Variants in ADGRB3 observed in about 807,000 individuals in gnomAD.
ADGRB3 encodes the protein brain-specific angiogenesis inhibitor 3.
A neutral mutation model predicts 193.4 loss-of-function variants in ADGRB3; 37 were observed. The observed-to-expected ratio is 0.19, with a 90% confidence interval of 0.15 to 0.25. ADGRB3 has a LOEUF of 0.25. Ranked by LOEUF, ADGRB3 falls within the 10% of genes least tolerant of loss-of-function variation. The pLI is 1.00. For synonymous variants in ADGRB3, 690 were observed against 644.2 expected (o/e 1.07, Z -1.08); for missense variants, 1,637 against 1,852.9 (o/e 0.88, Z 2.14).
At chr6:69,095,336 C>A (rs909730380) in intron 17 of ADGRB3, among the ~76,000 whole-genome samples, 2 of 126,300 alleles carry the variant, frequency 1.6e-5, no homozygotes, top group South Asian at 2.6e-4. Flanking sequence ...AGTTCTGAAC[C>A]AGATTTTGTA....
intron 3 of ADGRB3, among the ~76,000 whole-genome samples, chr6:68,644,344 A>T (rs939327497): frequency 6.6e-6 from 1 of 152,140 alleles, no homozygotes; most frequent in African/African-American, 2.4e-5. Context: ...ATTCTTAATT[A>T]TTTATATGTT....
At chr6:68,752,079 T>C (rs1447466021) in intron 3 of ADGRB3, among the ~76,000 whole-genome samples, 1 of 152,158 alleles carries the variant, frequency 6.6e-6, no homozygotes, top group Non-Finnish European at 1.5e-5. Flanking sequence ...TTTGGAAACC[T>C]ATGATTTAAT....
At chr6:68,912,323 A>G (rs962760082) in intron 3 of ADGRB3, among the ~76,000 whole-genome samples, 4 of 151,696 alleles carry the variant, frequency 2.6e-5, no homozygotes, top group African/African-American at 9.7e-5. Context: ...CTTCATTAAT[A>G]ATGTATATTC....
chr6:69,083,491 A>T (rs982775403), intron 17 of ADGRB3, among the ~76,000 whole-genome samples: 2 of 152,106 alleles, frequency 1.3e-5, no homozygotes, highest in African/African-American at 4.8e-5. Context: ...TTTTTATGAG[A>T]CTTAGATGTG....
chr6:69,181,587 G>C lies in ADGRB3; in HGVS notation c.2481-51703G>C, dbSNP rs560159951. 1.1e-4 allele frequency among the ~76,000 whole-genome samples: 16 copies of C among 152,078 alleles called. No homozygotes were observed. The East Asian group carries it at 3.1e-3, about 29-fold the overall frequency. On this transcript the variant is annotated intron_variant, in intron 17 of 31. Transcript: ENST00000370598. ...TATACATTAATATCATTTTTAAATG[G>C]TTTTTGCTTCTTGCATATACATTAT...
chr6:68,841,828 G>A (rs1768164535), intron 3 of ADGRB3, among the ~76,000 whole-genome samples: 1 of 152,114 alleles, frequency 6.6e-6, no homozygotes, highest in Non-Finnish European at 1.5e-5. Context: ...TTGAACAAAT[G>A]TAGATAGAAA....
In ADGRB3 at chr6:68,839,923, G is replaced by A. The variant is rs148416661; in HGVS notation, c.758-90636G>A. Among the ~76,000 whole-genome samples the A allele has an allele frequency of 1.7e-3, 266 of 152,248 alleles. 1 individual carries two copies. Among genetic ancestry groups the A allele is most frequent in the Non-Finnish European group, 2.7e-3 (184 of 68,026 alleles). ...GGGAGGGAGAGCACAGTGATTGTGG[G>A]ATGTTGCATTAAAGCTTAGTCCTTT... On this transcript the variant is annotated intron_variant, in intron 3 of 31. Transcript: ENST00000370598.
intron 8 of ADGRB3, among the ~76,000 whole-genome samples, chr6:68,961,094 A>G (rs909624730): frequency 1.3e-5 from 2 of 152,146 alleles, no homozygotes; most frequent in Non-Finnish European, 2.9e-5. Context: ...GATAATGAAA[A>G]CACAATTCAT....
intron 17 of ADGRB3, among the ~76,000 whole-genome samples, chr6:69,159,966 G>A (rs962018619): frequency 1.3e-5 from 2 of 152,048 alleles, no homozygotes; most frequent in African/African-American, 4.8e-5. Flanking sequence ...CATGTCAAAT[G>A]CTTTAGAAAA....
intron 20 of ADGRB3, among the ~76,000 whole-genome samples, chr6:69,316,253 C>G (rs1382035822): frequency 6.6e-6 from 1 of 151,146 alleles, no homozygotes; most frequent in African/African-American, 2.4e-5. Context: ...ATTTCATACT[C>G]TAAGAAACTC....
intron 3 of ADGRB3, among the ~76,000 whole-genome samples, chr6:68,793,844 T>C (rs1026667194): frequency 2.6e-5 from 4 of 152,306 alleles, no homozygotes; most frequent in African/African-American, 9.6e-5. Context: ...TTAAAATTTT[T>C]AATTGGATAA....
intron 3 of ADGRB3, among the ~76,000 whole-genome samples, chr6:68,714,849 AC>A (rs1765464015): frequency 6.6e-6 from 1 of 151,652 alleles, no homozygotes; most frequent in Non-Finnish European, 1.5e-5. Flanking sequence ...GAGCTTTGTA[AC>A]CCTTGGGAAT....
At position 69,235,033 on chromosome 6, in the gene ADGRB3, T is replaced by C. The variant is rs61747010; in HGVS notation, c.2609T>C (p.Ile870Thr). Residue 870 changes from isoleucine to threonine, a missense_variant and splice_region_variant, in exon 19 of 32, where the codon ATC becomes ACC. Ile to Thr is a moderately conservative substitution (Grantham distance 89). Transcript: ENST00000370598. ...AILAQQPREI[I>T]MESSGTPSVT... ...TTTTTTGTTTTGTTTAATTCACAGATCATGGAATCCTCTGGCACACCTTCA... is the reference window on the plus strand; with the variant it reads ...TTTTTTGTTTTGTTTAATTCACAGACCATGGAATCCTCTGGCACACCTTCA... 823 of 1,605,898 alleles carry C rather than the reference T, an allele frequency of 5.1e-4. 4 individuals carry two copies. The African/African-American group carries it at 9.8e-3, about 19-fold the overall frequency.
intron 3 of ADGRB3, among the ~76,000 whole-genome samples, chr6:68,892,705 A>T (rs933656965): frequency 2.0e-5 from 3 of 152,206 alleles, no homozygotes; most frequent in East Asian, 1.9e-4. Context: ...ATATGTAACT[A>T]CTAAGCAGAA....
At chr6:69,141,814 T>C (rs1416657450) in intron 17 of ADGRB3, among the ~76,000 whole-genome samples, 1 of 152,226 alleles carries the variant, frequency 6.6e-6, no homozygotes, top group Non-Finnish European at 1.5e-5. Flanking sequence ...ATTTTAGTTA[T>C]GACCAAGTTC....
chr6:69,122,491 G>A (rs1773738722), intron 17 of ADGRB3, among the ~76,000 whole-genome samples: 1 of 82,262 alleles, frequency 1.2e-5, no homozygotes, highest in Non-Finnish European at 2.7e-5. Flanking sequence ...AGGGGGGAGG[G>A]GGAGGGGGAG....
chr6:68,721,583 A>T (rs1765579883), intron 3 of ADGRB3, among the ~76,000 whole-genome samples: 1 of 149,330 alleles, frequency 6.7e-6, no homozygotes, highest in African/African-American at 2.5e-5. Context: ...TATGTAACAA[A>T]CCTGCACGTT....
chr6:69,251,837 T>G (rs1324726105), intron 20 of ADGRB3, among the ~76,000 whole-genome samples: 3 of 152,194 alleles, frequency 2.0e-5, no homozygotes, highest in Non-Finnish European at 4.4e-5. Flanking sequence ...TGCATTATTA[T>G]CAACTAAGTT....
intron 3 of ADGRB3, among the ~76,000 whole-genome samples, chr6:68,650,030 GAGAACAAC>G (rs1768312445): frequency 6.6e-6 from 1 of 152,200 alleles, no homozygotes; most frequent in East Asian, 1.9e-4. Context: ...ATAATACCTT[GAGAACAAC>G]AGGTTTCTTA....
Sources: allele counts gnomAD v4.1 joint callset (sites outside exome capture counted in the v4.1 genomes callset), GRCh38; gene constraint gnomAD v4.1.1; transcripts MANE v1.5; gene names NCBI Gene and HGNC (gene_info 2026-07-23, HGNC 2026-07-21).